KIAA1217: variants seen among roughly 807,000 people sequenced by gnomAD.
KIAA1217 encodes KIAA1217.
In KIAA1217, 88 loss-of-function variants were observed where a neutral mutation model predicts 163.9. The observed-to-expected ratio is 0.54, with a 90% CI of 0.45 to 0.64. The LOEUF (loss-of-function observed/expected upper bound fraction) is 0.64. Among genes scored for constraint, KIAA1217 ranks in the 30% least tolerant of loss-of-function variants. The pLI is 0.00. For synonymous variants in KIAA1217, 903 were observed against 923.1 expected (o/e 0.98, Z 0.39); for missense variants, 2,372 against 2,475.0 (o/e 0.96, Z 0.88).
At chr10:23,901,691 T>C (rs1841961319) in intron 1 of KIAA1217, among the ~76,000 whole-genome samples, 1 of 152,020 alleles carries the variant, frequency 6.6e-6, no homozygotes, top group Non-Finnish European at 1.5e-5. Flanking sequence ...GGTGGATCAC[T>C]TGAGGTAAAG....
intron 2 of KIAA1217, among the ~76,000 whole-genome samples, chr10:24,167,343 G>A (rs2065404517): frequency 1.3e-5 from 2 of 151,250 alleles, no homozygotes; most frequent in African/African-American, 4.9e-5. Flanking sequence ...AAAATATGAA[G>A]CAAACCAATG....
chr10:24,184,946 G>T (rs1377668477), intron 2 of KIAA1217, among the ~76,000 whole-genome samples: 1 of 152,106 alleles, frequency 6.6e-6, no homozygotes, highest in Non-Finnish European at 1.5e-5. Flanking sequence ...ATTACGTATG[G>T]TATCTAATAT....
chr10:24,177,491 CT>C (rs200947093), intron 2 of KIAA1217, among the ~76,000 whole-genome samples: 1 of 149,588 alleles, frequency 6.7e-6, no homozygotes, highest in African/African-American at 2.5e-5. Context: ...ACGCAAGTAT[CT>C]TTTTCATATA....
intron 2 of KIAA1217, among the ~76,000 whole-genome samples, chr10:24,334,480 G>A (rs11595377): frequency 0.049 from 3,987 of 81,760 alleles, 96 homozygotes; most frequent in Non-Finnish European, 0.069. Context: ...AGGAAGGAAG[G>A]AAGGAACTTA....
At chr10:24,197,702 T>C (rs2067055693) in intron 2 of KIAA1217, among the ~76,000 whole-genome samples, 1 of 152,266 alleles carries the variant, frequency 6.6e-6, no homozygotes, top group Admixed American at 6.5e-5. Context: ...AAATCTCACA[T>C]ATTTTTTCCT....
intron 2 of KIAA1217, among the ~76,000 whole-genome samples, chr10:24,323,125 A>T (rs1445688955): frequency 6.6e-6 from 1 of 152,142 alleles, no homozygotes; most frequent in African/African-American, 2.4e-5. Flanking sequence ...AATTAAAAAA[A>T]AAAAATGTTT....
intron 2 of KIAA1217, among the ~76,000 whole-genome samples, chr10:24,164,210 G>A (rs982270732): frequency 4.6e-5 from 7 of 152,118 alleles, no homozygotes; most frequent in East Asian, 1.9e-4. Flanking sequence ...GTTGCTTATC[G>A]TTTAATTACT....
At chr10:23,847,990 G>A (rs1262360490) in intron 1 of KIAA1217, among the ~76,000 whole-genome samples, 1 of 152,124 alleles carries the variant, frequency 6.6e-6, no homozygotes, top group Non-Finnish European at 1.5e-5. Context: ...TGGTCATTCA[G>A]GGGCAGGTTG....
chr10:24,133,002 G>C (rs2063708449), intron 2 of KIAA1217, among the ~76,000 whole-genome samples: 1 of 152,010 alleles, frequency 6.6e-6, no homozygotes, highest in South Asian at 2.1e-4. Context: ...AGTTGTTGCT[G>C]GTTGAAATCA....
chr10:23,991,063 G>T (rs1469234311), intron 1 of KIAA1217, among the ~76,000 whole-genome samples: 2 of 152,168 alleles, frequency 1.3e-5, no homozygotes, highest in Admixed American at 6.5e-5. Context: ...GTGAAATGGT[G>T]CCTTTCTGCT....
rs150983211 is a variant in KIAA1217 at position 23,993,943 on chromosome 10, G to A, written c.-320-13282G>A. ...GTCTTCCCGGTGTGCCTAAGTCTCA[G>A]CTCAGGCTCCTAAACATTCAAGAGA... On this transcript the variant is annotated intron_variant, in intron 1 of 18. Transcript: ENST00000376462. Among the ~76,000 whole-genome samples the A allele has an allele frequency of 1.6e-3, 245 of 152,148 alleles. 1 individual carries two copies. The highest frequency in any genetic ancestry group is 5.5e-3 in the African/African-American group (227 of 41,508).
Position 24,531,836 on chromosome 10 carries a change from C to A in KIAA1217, c.3089C>A (p.Ser1030Tyr). Residue 1030 changes from serine to tyrosine, a missense_variant, in exon 15 of 21, where the codon TCT becomes TAT. Physicochemically the swap from Ser to Tyr is moderately radical, Grantham distance 144. Transcript: ENST00000376454. ...ATGGTGCACTGTTTTCCAGAAGATT[C>A]TCCAAATTCGGAACAGGACTTGGAA... ...PVDKVELSEDSPNSEQDLEKL... is the reference protein window; with the variant it reads ...PVDKVELSEDYPNSEQDLEKL... 6.3e-7 allele frequency: 1 copy of A among 1,591,238 alleles called. No individual in the cohort carries two copies. The highest frequency in any genetic ancestry group is 2.3e-5 in the East Asian group (1 of 44,384).
At chr10:23,938,001 G>C (rs1843604919) in intron 1 of KIAA1217, among the ~76,000 whole-genome samples, 1 of 152,156 alleles carries the variant, frequency 6.6e-6, no homozygotes, top group Non-Finnish European at 1.5e-5. Context: ...CAAGTGTCGA[G>C]AGTTCACAGG....
intron 1 of KIAA1217, among the ~76,000 whole-genome samples, chr10:23,708,267 A>C (rs546904412): frequency 5.3e-5 from 8 of 152,308 alleles, no homozygotes; most frequent in Admixed American, 5.2e-4. Flanking sequence ...CTCCCACAAC[A>C]TGTGGGAATT....
At chr10:24,538,259 G>T (rs535260552) in intron 17 of KIAA1217, among the ~76,000 whole-genome samples, 32 of 152,178 alleles carry the variant, frequency 2.1e-4, no homozygotes, top group African/African-American at 7.0e-4. Flanking sequence ...GCTTCCCCCT[G>T]GCTCATAACC....
intron 5 of KIAA1217, among the ~76,000 whole-genome samples, chr10:24,439,938 C>T (rs561320644): frequency 6.6e-6 from 1 of 152,298 alleles, no homozygotes; most frequent in Admixed American, 6.5e-5. Flanking sequence ...ATGCAGACAT[C>T]TTTCAGGGAC....
intron 2 of KIAA1217, among the ~76,000 whole-genome samples, chr10:24,175,392 C>A (rs1332939655): frequency 6.6e-6 from 1 of 151,982 alleles, no homozygotes; most frequent in African/African-American, 2.4e-5. Context: ...GCTGTGAATG[C>A]CATTATTTCA....
chr10:24,383,370 C>T (rs879769878), intron 3 of KIAA1217, among the ~76,000 whole-genome samples: 1 of 152,190 alleles, frequency 6.6e-6, no homozygotes, highest in African/African-American at 2.4e-5. Flanking sequence ...AAGGAATTTC[C>T]TCTGCAGCCA....
intron 1 of KIAA1217, among the ~76,000 whole-genome samples, chr10:23,952,298 A>G (rs1844374012): frequency 6.6e-6 from 1 of 151,920 alleles, no homozygotes; most frequent in East Asian, 1.9e-4. Flanking sequence ...CTGTCCTTTT[A>G]TTTTGCATTT....
Sources: allele counts gnomAD v4.1 joint callset (sites outside exome capture counted in the v4.1 genomes callset), GRCh38; gene constraint gnomAD v4.1.1; transcripts MANE v1.5; gene names NCBI Gene and HGNC (gene_info 2026-07-23, HGNC 2026-07-21).